The following UBE2U variants were observed in gnomAD, a reference collection of about 807,000 sequenced individuals.
UBE2U encodes ubiquitin conjugating enzyme E2 U, also known as ubiquitin-conjugating enzyme E2 U.
In UBE2U, 39 loss-of-function variants were observed where a neutral mutation model predicts 41.2. That is an observed-to-expected ratio of 0.95 (90% CI 0.73 to 1.24). UBE2U has a LOEUF of 1.24. UBE2U is among the 50% of genes most tolerant of loss of function. The pLI, the probability that UBE2U is intolerant of heterozygous loss-of-function variation, is 0.00. For missense variants in UBE2U, 336 were observed against 363.1 expected (o/e 0.93, Z 0.61); for synonymous variants, 107 against 117.8 (o/e 0.91, Z 0.60).
intron 8 of UBE2U, among the ~76,000 whole-genome samples, chr1:64,247,552 C>T (rs930446514): frequency 2.6e-5 from 4 of 151,950 alleles, no homozygotes; most frequent in African/African-American, 9.7e-5. Context: ...CATTAGTTCC[C>T]GGGAGTGCTA....
At chr1:64,220,563 AT>A (rs1001586607) in intron 5 of UBE2U, among the ~76,000 whole-genome samples, 4 of 151,828 alleles carry the variant, frequency 2.6e-5, no homozygotes, top group Admixed American at 2.6e-4. Flanking sequence ...GGCACATTCA[AT>A]TCCTGAACTG....
At chr1:64,224,544 G>C (rs1652719737) in intron 6 of UBE2U, among the ~76,000 whole-genome samples, 2 of 152,116 alleles carry the variant, frequency 1.3e-5, no homozygotes, top group African/African-American at 4.8e-5. Flanking sequence ...TCAACATGAT[G>C]AAACCCCGTC....
intron 5 of UBE2U, 90 bp from the exon 6 acceptor site, chr1:64,220,769 C>T: frequency 6.3e-6 from 6 of 955,456 alleles, no homozygotes; most frequent in Non-Finnish European, 9.8e-6. Context: ...CCTTTATTAC[C>T]ATTTTATTGA....
intron 9 of UBE2U, among the ~76,000 whole-genome samples, chr1:64,264,681 A>C (rs1446233644): frequency 6.6e-6 from 1 of 152,132 alleles, no homozygotes; most frequent in East Asian, 1.9e-4. Context: ...GGCGGGGCGC[A>C]GTGGCTCACG....
intron 4 of UBE2U, among the ~76,000 whole-genome samples, chr1:64,212,470 A>G (rs1455864451): frequency 6.6e-6 from 1 of 152,120 alleles, no homozygotes; most frequent in African/African-American, 2.4e-5. Context: ...CCACTTCTCA[A>G]TGTCTCAATT....
chr1:64,216,111 C>T (rs1557707372), intron 5 of UBE2U, among the ~76,000 whole-genome samples: 2 of 152,168 alleles, frequency 1.3e-5, no homozygotes, highest in South Asian at 2.1e-4. Flanking sequence ...ATAATTGTGA[C>T]CAAGTTCAAT....
intron 9 of UBE2U, among the ~76,000 whole-genome samples, chr1:64,263,832 T>C (rs1056866490): frequency 1.3e-5 from 2 of 152,142 alleles, no homozygotes. Context: ...CACACATCTC[T>C]CCACAGCCTC....
intron 6 of UBE2U, among the ~76,000 whole-genome samples, chr1:64,231,121 T>C (rs1644556214): frequency 6.6e-6 from 1 of 152,000 alleles, no homozygotes; most frequent in South Asian, 2.1e-4. Flanking sequence ...TAGGGTAATA[T>C]TTTTAATTAT....
rs1350646300 is a variant in UBE2U at position 64,214,702 on chromosome 1, A to G, written c.340-113A>G. ...TATTTTTTAATCTATTTCCAGATCC[A>G]TACATAGTAAGCATTTAATACATGC... On this transcript the variant is annotated intron_variant, in intron 4 of 9. Transcript: ENST00000371077. 10 of 745,772 alleles carry G rather than the reference A, an allele frequency of 1.3e-5. No individual in the cohort carries two copies. In the African/African-American group the frequency reaches 1.8e-4, roughly 13 times the overall value. 46.2% of individuals were successfully genotyped at this position (745,772 alleles called of 1,614,324 possible).
chr1:64,265,420 AAT>A (rs1266536576), intron 9 of UBE2U, among the ~76,000 whole-genome samples: 2 of 152,212 alleles, frequency 1.3e-5, no homozygotes, highest in African/African-American at 4.8e-5. Flanking sequence ...ATGGAAAATA[AAT>A]AGATGCTTTT....
chr1:64,258,719 C>T lies in UBE2U; in HGVS notation c.678-1884C>T, dbSNP rs868718998. Reference sequence around the variant, plus strand: ...GCCACATTTTCTTAATCCAGTCTATCATAGATGGACATTTGGGTTGGTTCC... The same window carrying T: ...GCCACATTTTCTTAATCCAGTCTATTATAGATGGACATTTGGGTTGGTTCC... On this transcript the variant is annotated intron_variant, in intron 8 of 9. Transcript: ENST00000371077. Among the ~76,000 whole-genome samples, 91 of 152,194 alleles carry T rather than the reference C, an allele frequency of 6.0e-4. 6 individuals carry two copies. Among genetic ancestry groups the T allele is most frequent in the South Asian group, 2.1e-4 (1 of 4,832 alleles).
intron 6 of UBE2U, among the ~76,000 whole-genome samples, chr1:64,228,064 A>T (rs1652998854): frequency 6.6e-6 from 1 of 152,232 alleles, no homozygotes; most frequent in African/African-American, 2.4e-5. Context: ...GAAATTTGTA[A>T]GCAAGCTCTA....
At chr1:64,206,735 T>G (rs750357937) in intron 2 of UBE2U, 29 bp from the exon 3 acceptor site, 1 of 1,327,232 alleles carries the variant, frequency 7.5e-7, no homozygotes, top group East Asian at 2.3e-5. Context: ...CATGACACTT[T>G]AGTAAAAATG....
intron 5 of UBE2U, among the ~76,000 whole-genome samples, chr1:64,217,577 T>G (rs1652113772): frequency 6.6e-6 from 1 of 152,208 alleles, no homozygotes; most frequent in Non-Finnish European, 1.5e-5. Flanking sequence ...AATGTAAGTT[T>G]TGTGTCATTT....
intron 8 of UBE2U, among the ~76,000 whole-genome samples, chr1:64,259,164 G>C (rs979274544): frequency 1.3e-5 from 2 of 151,994 alleles, no homozygotes; most frequent in Admixed American, 1.3e-4. Context: ...CTTTTTGACG[G>C]GGTTGTTTGT....
At chr1:64,262,491 G>A (rs559024476) in intron 9 of UBE2U, among the ~76,000 whole-genome samples, 7 of 152,142 alleles carry the variant, frequency 4.6e-5, no homozygotes, top group African/African-American at 1.2e-4. Flanking sequence ...CAGTGAGGTT[G>A]TCGACAGAAT....
chr1:64,217,515 A>AAG (rs1239936938), intron 5 of UBE2U, among the ~76,000 whole-genome samples: 2 of 152,138 alleles, frequency 1.3e-5, no homozygotes, highest in Admixed American at 6.5e-5. Context: ...ATGTAGTTAT[A>AAG]TTATCAAGTA....
At position 64,205,652 on chromosome 1, in the gene UBE2U, A is replaced by T; in HGVS notation, c.80A>T (p.Lys27Met). The T allele has an allele frequency of 6.2e-7, 1 of 1,612,766 alleles. No homozygotes were observed. ...TTTAACTTCAAGGGTATCACTGCTA[A>T]GCCTGTAAGTGAAGATATGATGGAA... is the stretch of plus-strand genomic sequence containing the variant. ...KENNYKGITAKPVSEDMMEWE... is the reference protein window; with the variant it reads ...KENNYKGITAMPVSEDMMEWE... Residue 27 changes from lysine (K) to methionine (M), a missense_variant, in exon 2 of 10, where the codon AAG becomes ATG. Coordinates refer to ENST00000371077, the MANE Select transcript of UBE2U (RefSeq NM_001366232.2).
chr1:64,225,840 A>G (rs566339530), intron 6 of UBE2U, among the ~76,000 whole-genome samples: 175 of 152,376 alleles, frequency 1.1e-3, no homozygotes, highest in African/African-American at 4.1e-3. Context: ...ATTGACTCAA[A>G]TTAAGATGAA....
Sources: gnomAD v4.1 joint callset for allele counts (sites outside exome capture counted in the v4.1 genomes callset) on GRCh38, gnomAD v4.1.1 for gene constraint, MANE v1.5 for transcripts, NCBI Gene and HGNC (gene_info 2026-07-23, HGNC 2026-07-21) for gene names.